ITPR2: variants seen among roughly 807,000 people sequenced by gnomAD.
ITPR2 encodes the protein inositol 1,4,5-trisphosphate receptor type 2.
A neutral mutation model predicts 317.1 loss-of-function variants in ITPR2; 207 were observed. That is an observed-to-expected ratio of 0.65 (90% CI 0.58 to 0.73). The LOEUF (loss-of-function observed/expected upper bound fraction) is 0.73. ITPR2 is among the 30% of genes least tolerant of loss of function. The probability of loss-of-function intolerance (pLI) is 0.00; values close to 1 mark genes in which losing one functional copy is unlikely to be tolerated. For missense variants in ITPR2, 2,613 were observed against 3,284.0 expected, an observed-to-expected ratio of 0.80 and a Z score of 4.99; for synonymous variants, 1,156 against 1,149.1, an observed-to-expected ratio of 1.01 and a Z score of -0.12.
At chr12:26,822,010 C>T (rs1184597957) in intron 1 of ITPR2, among the ~76,000 whole-genome samples, 3 of 152,090 alleles carry the variant, frequency 2.0e-5, no homozygotes, top group Non-Finnish European at 2.9e-5. Context: ...TCTGATGATC[C>T]ATGTAAGTTT....
intron 37 of ITPR2, among the ~76,000 whole-genome samples, chr12:26,539,507 T>C (rs1484044514): frequency 1.3e-5 from 2 of 152,212 alleles, no homozygotes; most frequent in Admixed American, 1.3e-4. Context: ...TGCTTGTTCC[T>C]ACTGGATCCA....
intron 45 of ITPR2, among the ~76,000 whole-genome samples, chr12:26,460,314 C>T (rs1357941604): frequency 6.6e-6 from 1 of 152,204 alleles, no homozygotes; most frequent in Non-Finnish European, 1.5e-5. Context: ...CTCACATGGC[C>T]TTACGGGGAC....
At position 26,828,768 on chromosome 12, in the gene ITPR2, AGGATAAAGTAGCTTG is replaced by A. The variant is rs1951049040; in HGVS notation, c.92+3907_92+3921del. On this transcript the variant is annotated intron_variant, in intron 1 of 56. Coordinates refer to ENST00000381340, the MANE Select transcript of ITPR2 (RefSeq NM_002223.4). ...AGTGCAAAATACATCAGTTTAAATT[AGGATAAAGTAGCTTG>A]GTTTACTTATCAAAGCCAAAAGTCA... Among the ~76,000 whole-genome samples the A allele has an allele frequency of 2.0e-5, 3 of 152,262 alleles. No individual in the cohort carries two copies. In the South Asian group the frequency reaches 6.2e-4, roughly 31 times the overall value.
At chr12:26,402,464 C>A (rs953542393) in intron 52 of ITPR2, among the ~76,000 whole-genome samples, 1 of 152,106 alleles carries the variant, frequency 6.6e-6, no homozygotes, top group Non-Finnish European at 1.5e-5. Flanking sequence ...TACCTCTCTC[C>A]GAGAATTTAG....
At chr12:26,374,582 T>C (rs1316489183) in intron 55 of ITPR2, among the ~76,000 whole-genome samples, 1 of 152,214 alleles carries the variant, frequency 6.6e-6, no homozygotes, top group Non-Finnish European at 1.5e-5. Context: ...AGCCAAATAT[T>C]TTAAGTAGAT....
chr12:26,376,442 C>G (rs1461584737), intron 55 of ITPR2, among the ~76,000 whole-genome samples: 2 of 152,246 alleles, frequency 1.3e-5, no homozygotes, highest in African/African-American at 4.8e-5. Flanking sequence ...AAACTTCTAC[C>G]TTAATTTTTT....
In ITPR2 at chr12:26,337,493, AT is replaced by A. The variant is rs2136533946; in HGVS notation, c.*1903del. The A allele has an allele frequency of 6.6e-6, 1 of 152,310 alleles. No individual in the cohort carries two copies. The highest frequency in any genetic ancestry group is 2.4e-5 in the African/African-American group (1 of 41,570). 9.4% of individuals were successfully genotyped at this position (152,310 alleles called of 1,614,324 possible). A position where few individuals can be genotyped will look rare whatever the true frequency, so the allele number is the denominator to read the frequency against. The stretch of plus-strand genomic sequence containing the variant: ...CTGTTAATAGCATTGATGATCCTGG[AT>A]TTTAAAGATGGCTGCTTTAGTCTAC... On this transcript the variant is annotated 3_prime_UTR_variant, in exon 57 of 57. Transcript: ENST00000381340.
intron 37 of ITPR2, among the ~76,000 whole-genome samples, chr12:26,534,587 A>C (rs927778308): frequency 6.6e-6 from 1 of 152,214 alleles, no homozygotes; most frequent in African/African-American, 2.4e-5. Context: ...AAAATAAAGA[A>C]AAAGCAAAAG....
chr12:26,415,297 C>T lies in ITPR2; in HGVS notation c.7306+6G>A. On this transcript the variant is annotated splice_donor_region_variant and intron_variant, in intron 51 of 56. Transcript: ENST00000381340. ...GAGAAACCTCATTTAGTGGTAATAG[C>T]AATACCTGTAACAGGAGTTCGGTTT... 1.9e-6 allele frequency: 3 copies of T among 1,588,192 alleles called. No homozygotes were observed. Among genetic ancestry groups the T allele is most frequent in the Non-Finnish European group, 2.6e-6 (3 of 1,166,950 alleles).
chr12:26,765,589 T>C (rs984213449), intron 2 of ITPR2, among the ~76,000 whole-genome samples: 3 of 152,158 alleles, frequency 2.0e-5, no homozygotes, highest in South Asian at 4.1e-4. Context: ...TTTGTGAGTT[T>C]TAACATTTTA....
At chr12:26,768,482 C>CA (rs55646801) in intron 2 of ITPR2, among the ~76,000 whole-genome samples, 46,118 of 92,746 alleles carry the variant, frequency 0.5, 10,872 homozygotes, top group Non-Finnish European at 0.59. Flanking sequence ...TTGTGCAACT[C>CA]AAAAAAAAAA....
At chr12:26,817,834 T>C (rs1466942056) in intron 1 of ITPR2, among the ~76,000 whole-genome samples, 1 of 152,192 alleles carries the variant, frequency 6.6e-6, no homozygotes, top group Non-Finnish European at 1.5e-5. Flanking sequence ...CATGTCCATA[T>C]TTCAAACAGT....
chr12:26,354,923 C>A (rs1305988286), intron 55 of ITPR2, among the ~76,000 whole-genome samples: 1 of 152,178 alleles, frequency 6.6e-6, no homozygotes, highest in East Asian at 1.9e-4. Context: ...TTTGGCCTCC[C>A]AAAGTGCTGG....
intron 45 of ITPR2, among the ~76,000 whole-genome samples, chr12:26,461,699 C>T (rs1198901294): frequency 0.083 from 10,936 of 132,458 alleles, 1,119 homozygotes; most frequent in African/African-American, 0.24. Context: ...TATACACACA[C>T]ACACACACAC....
At chr12:26,665,766 A>C (rs755012160) in intron 14 of ITPR2, 144 bp downstream of exon 14, 59 of 709,408 alleles carry the variant, frequency 8.3e-5, no homozygotes, top group Non-Finnish European at 1.2e-4. Context: ...CTCCACAGAA[A>C]CTGTGAGACA....
intron 2 of ITPR2, among the ~76,000 whole-genome samples, chr12:26,772,523 T>TTATATATATAA (rs376560685): frequency 4.4e-5 from 4 of 90,940 alleles, no homozygotes; most frequent in Admixed American, 1.2e-4. Context: ...TAATACATTA[T>TTATATATATAA]TATATATAAT....
At position 26,559,027 on chromosome 12, in the gene ITPR2, T is replaced by C. The variant is rs186916676; in HGVS notation, c.4822-2652A>G. On this transcript the variant is annotated intron_variant, in intron 35 of 56. Transcript: ENST00000381340. ...CATCGATTCATCCACCAAGTTCTAT[T>C]AGTTCTACAACTAAATACATACAAA... 1.8e-3 allele frequency among the ~76,000 whole-genome samples: 277 copies of C among 152,358 alleles called. 1 individual carries two copies. The highest frequency in any genetic ancestry group is 6.1e-3 in the African/African-American group (252 of 41,588).
At chr12:26,822,428 C>A (rs527631452) in intron 1 of ITPR2, among the ~76,000 whole-genome samples, 1 of 152,200 alleles carries the variant, frequency 6.6e-6, no homozygotes, top group South Asian at 2.1e-4. Flanking sequence ...GAAGGGTACT[C>A]TATACCAAGT....
chr12:26,751,394 C>T (rs999545653), intron 2 of ITPR2, among the ~76,000 whole-genome samples: 5 of 152,036 alleles, frequency 3.3e-5, no homozygotes, highest in African/African-American at 1.2e-4. Context: ...ACTACTTTTA[C>T]AGTTACTGTG....
Sources: allele counts gnomAD v4.1 joint callset (sites outside exome capture counted in the v4.1 genomes callset), GRCh38; gene constraint gnomAD v4.1.1; transcripts MANE v1.5; gene names NCBI Gene and HGNC (gene_info 2026-07-23, HGNC 2026-07-21).